The following CCDC150 variants were observed in gnomAD, a reference collection of about 807,000 sequenced individuals.
CCDC150 encodes the protein coiled-coil domain containing 150, also known as coiled-coil domain-containing protein 150.
Under a neutral mutation model 156.5 loss-of-function variants are expected in CCDC150, and 151 were observed. The observed-to-expected ratio is 0.97, with a 90% CI of 0.85 to 1.10. The LOEUF (loss-of-function observed/expected upper bound fraction) is 1.10, where lower values mean the gene tolerates loss of function less well. CCDC150 is among the 50% of genes least tolerant of loss of function. The probability of loss-of-function intolerance (pLI) is 0.00; values close to 1 mark genes in which losing one functional copy is unlikely to be tolerated. For synonymous variants in CCDC150, 452 were observed against 429.4 expected (o/e 1.05, Z -0.65); for missense variants, 1,312 against 1,268.1 (o/e 1.03, Z -0.53).
chr2:196,726,576 G>T (rs1014924088), intron 22 of CCDC150: 1 of 155,316 alleles, frequency 6.4e-6, no homozygotes, highest in African/African-American at 2.4e-5. Flanking sequence ...AGCAGAGGCT[G>T]TGTACAACTT....
intron 4 of CCDC150, 40 bp from the exon 5 acceptor site, chr2:196,658,752 A>G (rs773514728): frequency 6.8e-7 from 1 of 1,466,320 alleles, no homozygotes; most frequent in African/African-American, 1.4e-5. Flanking sequence ...TCTTCCTGTC[A>G]TTTCAGATTA....
intron 15 of CCDC150, among the ~76,000 whole-genome samples, chr2:196,706,818 G>T (rs1163136617): frequency 5.9e-5 from 9 of 152,166 alleles, no homozygotes; most frequent in Non-Finnish European, 1.3e-4. Context: ...TATGTTTATT[G>T]GTTTGTGTAT....
chr2:196,697,381 A>G (rs1695902460), intron 14 of CCDC150, among the ~76,000 whole-genome samples: 1 of 152,086 alleles, frequency 6.6e-6, no homozygotes, highest in African/African-American at 2.4e-5. Context: ...GCAGTCACGC[A>G]GGGAACCACA....
In CCDC150 at chr2:196,685,128, T is replaced by C. The variant is rs1354589703; in HGVS notation, c.1509+7767T>C. On this transcript the variant is annotated intron_variant, in intron 13 of 27. Transcript: ENST00000389175. Reference sequence around the variant, plus strand: ...TGCTTTTTGTTCCTCTATTTCTCAATTAGTGCCATCTTTTATGTTAAATAT... The same window carrying C: ...TGCTTTTTGTTCCTCTATTTCTCAACTAGTGCCATCTTTTATGTTAAATAT... Among the ~76,000 whole-genome samples, 3 of 152,282 alleles carry C rather than the reference T, an allele frequency of 2.0e-5. No homozygotes were observed. The East Asian group carries it at 5.8e-4, about 29-fold the overall frequency.
intron 25 of CCDC150, 145 bp from the exon 26 acceptor site, chr2:196,730,714 T>G (rs1698473530): frequency 1.6e-6 from 1 of 628,228 alleles, no homozygotes; most frequent in African/African-American, 1.8e-5. Context: ...AATAACAGTT[T>G]TTATCTCATA....
rs373076625 is a variant in CCDC150 at position 196,692,388 on chromosome 2, C to T, written c.1510-2658C>T. ...TGACCTCATGATCCACCCGCCTCAG[C>T]CTCCCAAAGTGCTGGGATTACAGGC... On this transcript the variant is annotated intron_variant, in intron 13 of 27. Transcript: ENST00000389175. Among the ~76,000 whole-genome samples the T allele has an allele frequency of 9.9e-4, 150 of 152,070 alleles. No individual in the cohort carries two copies. In the East Asian group the frequency reaches 0.019, roughly 19 times the overall value.
intron 10 of CCDC150, 21 bp from the exon 11 acceptor site, chr2:196,676,122 A>T: frequency 6.2e-7 from 1 of 1,612,326 alleles, no homozygotes. Flanking sequence ...TTCAACTTCT[A>T]ATATTGCTTT....
intron 15 of CCDC150, among the ~76,000 whole-genome samples, chr2:196,705,567 T>A (rs1696565826): frequency 6.6e-6 from 1 of 152,240 alleles, no homozygotes; most frequent in South Asian, 2.1e-4. Context: ...TAGATCCCAT[T>A]TGTCAATTTT....
At chr2:196,729,599 C>T (rs1698415881) in intron 23 of CCDC150, 194 bp from the exon 24 acceptor site, 1 of 654,382 alleles carries the variant, frequency 1.5e-6, no homozygotes, top group East Asian at 2.7e-5. Context: ...TTCCGGCTCC[C>T]TATCTGTCCC....
At chr2:196,717,312 A>G (rs915640889) in intron 17 of CCDC150, among the ~76,000 whole-genome samples, 5 of 152,194 alleles carry the variant, frequency 3.3e-5, no homozygotes, top group Non-Finnish European at 7.3e-5. Flanking sequence ...TGGAGGGAAG[A>G]GTGAATACAG....
intron 5 of CCDC150, among the ~76,000 whole-genome samples, chr2:196,659,668 T>C (rs1326698178): frequency 6.6e-6 from 1 of 152,160 alleles, no homozygotes; most frequent in African/African-American, 2.4e-5. Context: ...TTCTAAGATA[T>C]TGTACTAGAC....
At chr2:196,695,198 C>A in intron 14 of CCDC150, 39 bp downstream of exon 14, 1 of 1,066,164 alleles carries the variant, frequency 9.4e-7, no homozygotes, top group Non-Finnish European at 1.4e-6. Context: ...CAATTAATGA[C>A]TAATGAGTTC....
At position 196,720,579 on chromosome 2, in the gene CCDC150, C is replaced by T. The variant is rs1332355898; in HGVS notation, c.2170C>T (p.Leu724Phe). 6.2e-7 allele frequency: 1 copy of T among 1,613,114 alleles called. No homozygotes were observed. The change falls in exon 20 of 28, where the codon CTC becomes TTC. Residue 724 changes from leucine (L) to phenylalanine (F), a missense_variant. Coordinates refer to ENST00000389175, the MANE Select transcript of CCDC150 (RefSeq NM_001080539.2). ...EIAGLKKERD[L>F]NQQRVQKLEA... ...TTTTGTGCTTTTTATTTTTAGGGAT[C>T]TCAATCAACAGAGGGTGCAGAAGCT...
chr2:196,669,999 T>G (rs1694106523), intron 8 of CCDC150, 123 bp downstream of exon 8: 2 of 609,740 alleles, frequency 3.3e-6, no homozygotes, highest in Non-Finnish European at 2.9e-6. Flanking sequence ...AAAAGTTTCA[T>G]GTAAATGAGT....
chr2:196,649,555 A>G (rs1015648745), intron 2 of CCDC150, among the ~76,000 whole-genome samples: 1 of 152,204 alleles, frequency 6.6e-6, no homozygotes, highest in African/African-American at 2.4e-5. Flanking sequence ...TATACCATCT[A>G]TGTTTGTGTA....
chr2:196,718,864 CAAAAG>C (rs1018675201), intron 18 of CCDC150, among the ~76,000 whole-genome samples: 7 of 152,058 alleles, frequency 4.6e-5, no homozygotes, highest in African/African-American at 1.2e-4. Context: ...CTTAAATACT[CAAAAG>C]AGAAAGTTCT....
intron 20 of CCDC150, 37 bp downstream of exon 20, chr2:196,720,705 T>C: frequency 6.4e-7 from 1 of 1,553,894 alleles, no homozygotes; most frequent in East Asian, 2.3e-5. Context: ...AACATTGATA[T>C]TTTTAGTTTT....
intron 22 of CCDC150, chr2:196,726,382 G>C: frequency 3.7e-6 from 1 of 267,442 alleles, no homozygotes; most frequent in South Asian, 5.5e-5. Flanking sequence ...AGACAGAAGA[G>C]AAATCATCTG....
chr2:196,721,218 T>TA (rs1477370837), intron 20 of CCDC150, among the ~76,000 whole-genome samples: 1 of 150,156 alleles, frequency 6.7e-6, no homozygotes, highest in Non-Finnish European at 1.5e-5. Context: ...GTTTAAAATT[T>TA]AAAAAATTAG....
Sources: allele counts gnomAD v4.1 joint callset (sites outside exome capture counted in the v4.1 genomes callset), GRCh38; gene constraint gnomAD v4.1.1; transcripts MANE v1.5; gene names NCBI Gene and HGNC (gene_info 2026-07-23, HGNC 2026-07-21).